The following ME3 variants were observed in gnomAD, a reference collection of about 807,000 sequenced individuals.
ME3 encodes the protein malic enzyme 3, also known as NADP-dependent malic enzyme, mitochondrial.
In ME3, 48 loss-of-function variants were observed where a neutral mutation model predicts 68.9. The ratio of observed to expected loss-of-function variants is 0.70; its 90% CI spans 0.55 to 0.89. The LOEUF is 0.89. Ranked by LOEUF, ME3 falls within the 40% of genes least tolerant of loss-of-function variation. The pLI is 0.00. For missense variants in ME3, 675 were observed against 797.4 expected, an observed-to-expected ratio of 0.85 and a Z score of 1.85; for synonymous variants, 320 against 318.8, an observed-to-expected ratio of 1.00 and a Z score of -0.04.
At chr11:86,457,874 A>G in intron 8 of ME3, 2 of 1,079,916 alleles carry the variant, frequency 1.9e-6, no homozygotes, top group Non-Finnish European at 2.4e-6. Flanking sequence ...ACAAAAGGAC[A>G]TGCTGAAAAT....
chr11:86,607,794 G>C (rs1961937938), intron 2 of ME3, among the ~76,000 whole-genome samples: 2 of 151,652 alleles, frequency 1.3e-5, no homozygotes, highest in Admixed American at 1.3e-4. Context: ...ATACGTCCTT[G>C]GTCGGACTCT....
intron 5 of ME3, among the ~76,000 whole-genome samples, chr11:86,500,348 GC>G (rs1201616668): frequency 1.3e-5 from 2 of 152,202 alleles, no homozygotes; most frequent in Admixed American, 1.3e-4. Flanking sequence ...CACTCTCCCA[GC>G]CTGGACATGC....
intron 4 of ME3, among the ~76,000 whole-genome samples, chr11:86,552,987 G>A (rs1445060651): frequency 1.3e-5 from 2 of 152,176 alleles, no homozygotes; most frequent in Non-Finnish European, 2.9e-5. Flanking sequence ...CCCTTCCTCT[G>A]GGTTGAGTTC....
At chr11:86,564,462 G>GAAAAA (rs35429348) in intron 2 of ME3, among the ~76,000 whole-genome samples, 4 of 106,508 alleles carry the variant, frequency 3.8e-5, no homozygotes, top group African/African-American at 9.6e-5. Context: ...AAAGCTACAG[G>GAAAAA]AAAAAAAAAA....
intron 2 of ME3, among the ~76,000 whole-genome samples, chr11:86,603,696 A>G (rs989335991): frequency 9.9e-5 from 15 of 152,246 alleles, no homozygotes; most frequent in African/African-American, 3.1e-4. Flanking sequence ...GAACCAACCC[A>G]AATGTCCAAC....
At chr11:86,601,331 G>T (rs567098044) in intron 2 of ME3, among the ~76,000 whole-genome samples, 2 of 152,148 alleles carry the variant, frequency 1.3e-5, no homozygotes, top group Admixed American at 6.5e-5. Context: ...ACACCTCTAC[G>T]CAAATAAACT....
intron 2 of ME3, among the ~76,000 whole-genome samples, chr11:86,650,457 T>C (rs1267283392): frequency 1.3e-5 from 2 of 152,052 alleles, no homozygotes; most frequent in Admixed American, 6.5e-5. Context: ...AATTGACAAA[T>C]GGGATCTAGT....
chr11:86,467,470 T>C (rs1296393227), intron 7 of ME3, among the ~76,000 whole-genome samples: 2 of 152,134 alleles, frequency 1.3e-5, no homozygotes, highest in East Asian at 3.8e-4. Flanking sequence ...TATTGTGAAT[T>C]TCAAGTATTT....
At chr11:86,591,600 C>T (rs1487361412) in intron 2 of ME3, among the ~76,000 whole-genome samples, 1 of 152,140 alleles carries the variant, frequency 6.6e-6, no homozygotes, top group African/African-American at 2.4e-5. Context: ...TGTTCTCATG[C>T]TGCTAATAAA....
chr11:86,437,803 C>T (rs542889983), downstream of ME3, among the ~76,000 whole-genome samples: 1 of 151,902 alleles, frequency 6.6e-6, no homozygotes, highest in South Asian at 2.1e-4. Flanking sequence ...ATTTGGTGAC[C>T]TTTCAAAACT....
At chr11:86,555,746 CAT>C (rs1388497280) in intron 4 of ME3, among the ~76,000 whole-genome samples, 4 of 152,206 alleles carry the variant, frequency 2.6e-5, no homozygotes, top group African/African-American at 9.6e-5. Context: ...TCCATGATTA[CAT>C]GTTCCCCATA....
At chr11:86,616,014 C>T (rs993296134) in intron 2 of ME3, among the ~76,000 whole-genome samples, 11 of 152,166 alleles carry the variant, frequency 7.2e-5, no homozygotes, top group African/African-American at 2.4e-4. Context: ...CCACTATTGA[C>T]ATTTTGGTAT....
Position 86,549,851 on chromosome 11 carries a change from G to A in ME3, c.467+6702C>T, listed in dbSNP as rs914293741. Among the ~76,000 whole-genome samples the A allele has an allele frequency of 4.6e-5, 7 of 152,286 alleles. No individual in the cohort carries two copies. In the South Asian group the frequency reaches 1.5e-3, roughly 32 times the overall value. ...GAGATGAGGGGGCTTGGGTGGTGGG[G>A]CTGAACAATTTGGCTTGCTGAAGGT... On this transcript the variant is annotated intron_variant, in intron 4 of 14. Transcript: ENST00000543262.
intron 8 of ME3, 49 bp from the exon 9 acceptor site, chr11:86,450,447 C>T (rs1949568447): frequency 2.6e-6 from 4 of 1,519,932 alleles, no homozygotes; most frequent in Non-Finnish European, 3.6e-6. Context: ...GCCGCCAGCT[C>T]CCAAGAGAAG....
At chr11:86,638,274 A>C (rs1944466135) in intron 2 of ME3, among the ~76,000 whole-genome samples, 1 of 152,190 alleles carries the variant, frequency 6.6e-6, no homozygotes, top group Non-Finnish European at 1.5e-5. Flanking sequence ...CAGGGAGTGC[A>C]GCATGCCTGG....
intron 8 of ME3, among the ~76,000 whole-genome samples, chr11:86,456,722 A>AG (rs1287305720): frequency 6.6e-6 from 1 of 152,102 alleles, no homozygotes; most frequent in African/African-American, 2.4e-5. Context: ...CTGGAAGGGG[A>AG]GGGGAGCTCA....
At chr11:86,489,063 G>A (rs1951849473) in intron 6 of ME3, 1 of 152,186 alleles carries the variant, frequency 6.6e-6, no homozygotes, top group South Asian at 2.1e-4. Flanking sequence ...TGGGAAATGG[G>A]AGGTAATTCC....
chr11:86,439,612 G>T (rs1593958526), downstream of ME3, among the ~76,000 whole-genome samples: 1 of 152,232 alleles, frequency 6.6e-6, no homozygotes, highest in African/African-American at 2.4e-5. Context: ...GCACAGGCTT[G>T]AAAGCACATG....
At chr11:86,476,079 A>G (rs1951069328) in intron 7 of ME3, among the ~76,000 whole-genome samples, 1 of 151,794 alleles carries the variant, frequency 6.6e-6, no homozygotes, top group Admixed American at 6.6e-5. Flanking sequence ...ATGCCTAGGG[A>G]TTTTTCTTTG....
Sources: allele counts gnomAD v4.1 joint callset (sites outside exome capture counted in the v4.1 genomes callset), GRCh38; gene constraint gnomAD v4.1.1; transcripts MANE v1.5; gene names NCBI Gene and HGNC (gene_info 2026-07-23, HGNC 2026-07-21).